MYLK: variants seen among roughly 807,000 people sequenced by gnomAD.
The protein encoded by MYLK is myosin light chain kinase.
Under a neutral mutation model 203.4 loss-of-function variants are expected in MYLK, and 106 were observed. That is an observed-to-expected ratio of 0.52 (90% CI 0.45 to 0.61). The LOEUF (loss-of-function observed/expected upper bound fraction) is 0.61, where lower values mean the gene tolerates loss of function less well. Ranked by LOEUF, MYLK falls within the 20% of genes least tolerant of loss-of-function variation. MYLK has a pLI of 0.00. For missense variants in MYLK, 2,072 were observed against 2,442.3 expected (o/e 0.85, Z 3.20); for synonymous variants, 867 against 959.5 (o/e 0.90, Z 1.78).
At chr3:123,796,203 T>C (rs1259638402) in intron 3 of MYLK, among the ~76,000 whole-genome samples, 2 of 152,146 alleles carry the variant, frequency 1.3e-5, no homozygotes. Flanking sequence ...AAATAATAAA[T>C]AGCTCATTTG....
At chr3:123,787,326 G>C (rs1430480413) in intron 4 of MYLK, among the ~76,000 whole-genome samples, 1 of 152,184 alleles carries the variant, frequency 6.6e-6, no homozygotes, top group Non-Finnish European at 1.5e-5. Context: ...AGGTGCACAG[G>C]GGTGTGGCTG....
intron 4 of MYLK, among the ~76,000 whole-genome samples, chr3:123,789,892 C>G (rs1057188935): frequency 2.6e-5 from 4 of 152,176 alleles, no homozygotes; most frequent in Non-Finnish European, 5.9e-5. Flanking sequence ...ATAAGGAACC[C>G]CCATCCCTGT....
At chr3:123,859,336 T>C (rs1389313681) in intron 2 of MYLK, among the ~76,000 whole-genome samples, 1 of 152,272 alleles carries the variant, frequency 6.6e-6, no homozygotes, top group Non-Finnish European at 1.5e-5. Context: ...TTTAACATTA[T>C]ATGTTTTAAG....
chr3:123,759,772 T>C (rs1168791393), intron 4 of MYLK, among the ~76,000 whole-genome samples: 2 of 152,230 alleles, frequency 1.3e-5, no homozygotes, highest in East Asian at 1.9e-4. Flanking sequence ...AGACTTAGCC[T>C]ATCTGCAGCC....
chr3:123,812,157 T>C (rs1411487388), intron 3 of MYLK, among the ~76,000 whole-genome samples: 2 of 152,170 alleles, frequency 1.3e-5, no homozygotes, highest in Non-Finnish European at 2.9e-5. Flanking sequence ...CCCAGTTCTG[T>C]TCCCCCTCAT....
chr3:123,653,477 G>C (rs2059286644), intron 24 of MYLK, among the ~76,000 whole-genome samples: 2 of 152,180 alleles, frequency 1.3e-5, no homozygotes, highest in South Asian at 4.1e-4. Context: ...CTGGGGAGTA[G>C]CTTCCTGTCT....
In MYLK at chr3:123,701,502, C is replaced by A. The variant is rs758697820; in HGVS notation, c.2398G>T (p.Val800Phe). 3.1e-6 allele frequency: 5 copies of A among 1,613,790 alleles called. No individual in the cohort carries two copies. The highest frequency in any genetic ancestry group is 4.2e-6 in the Non-Finnish European group (5 of 1,180,002). The change falls in exon 17 of 34, where the codon GTT becomes TTT. Residue 800 changes from valine to phenylalanine, a missense_variant. Around this residue, in one of 3 missense-constraint regions of MYLK, gnomAD observed 865 missense variants for 1,016.0 expected, o/e 0.85. Transcript: ENST00000360304. ...GQYEILLKNR[V>F]GECSCQVSLM... is the part of the protein sequence containing the mutation. ...GACACCTGGCAACTGCATTCGCCAA[C>A]CCGGTTCCTGAAGAATTCCAAAGAT...
chr3:123,737,401 A>G lies in MYLK; in HGVS notation c.731T>C (p.Met244Thr). The G allele has an allele frequency of 6.2e-7, 1 of 1,614,158 alleles. No individual in the cohort carries two copies. The highest frequency in any genetic ancestry group is 8.5e-7 in the Non-Finnish European group (1 of 1,180,016). Residue 244 changes from methionine to threonine, a missense_variant, in exon 8 of 34, where the codon ATG becomes ACG. Physicochemically the swap from Met to Thr is moderately conservative, Grantham distance 81. Around this residue, in one of 3 missense-constraint regions of MYLK, gnomAD observed 683 missense variants for 643.8 expected, o/e 1.06. Transcript: ENST00000360304. ...LVVNGSGKAS[M>T]SAELSIQGLD... The stretch of plus-strand genomic sequence containing the variant: ...ACCTTGGATGGAAAGTTCAGCTGAC[A>G]TCGAGGCCTTCCCCGACCCGTTCAC...
chr3:123,677,918 T>TATATATATATATAC (rs1273803739), intron 20 of MYLK, among the ~76,000 whole-genome samples: 238 of 78,658 alleles, frequency 3.0e-3, no homozygotes, highest in East Asian at 0.012. Flanking sequence ...TATATATATA[T>TATATATATATATAC]ACACACACAC....
At chr3:123,733,549 T>G in intron 10 of MYLK, 138 bp downstream of exon 10, 1 of 1,029,358 alleles carries the variant, frequency 9.7e-7, no homozygotes, top group Non-Finnish European at 1.5e-6. Flanking sequence ...AAGGCCCTTG[T>G]AAGGTGGTTT....
chr3:123,713,531 G>A (rs1311953809), intron 13 of MYLK, among the ~76,000 whole-genome samples: 1 of 151,610 alleles, frequency 6.6e-6, no homozygotes, highest in Non-Finnish European at 1.5e-5. Flanking sequence ...TGACAACTGA[G>A]AAAAACTAAA....
At chr3:123,672,907 C>A (rs573000013) in intron 20 of MYLK, among the ~76,000 whole-genome samples, 1 of 152,142 alleles carries the variant, frequency 6.6e-6, no homozygotes, top group Non-Finnish European at 1.5e-5. Flanking sequence ...TCAGAGGGAG[C>A]ATTTCACTTG....
At chr3:123,792,599 G>A (rs949859667) in intron 4 of MYLK, among the ~76,000 whole-genome samples, 1 of 152,170 alleles carries the variant, frequency 6.6e-6, no homozygotes, top group Non-Finnish European at 1.5e-5. Context: ...GTTCATCCGT[G>A]TTATAGCATG....
At chr3:123,618,417 T>C in intron 33 of MYLK, 1 of 557,364 alleles carries the variant, frequency 1.8e-6, no homozygotes, top group Non-Finnish European at 3.2e-6. Flanking sequence ...ATTTCAAATG[T>C]GCCCCCTGGG....
At chr3:123,620,604 A>G in intron 31 of MYLK, 4 of 1,255,246 alleles carry the variant, frequency 3.2e-6, no homozygotes, top group Non-Finnish European at 4.0e-6. Flanking sequence ...ACATGAGACA[A>G]AAACCCTTTT....
chr3:123,858,184 T>C (rs187786023), intron 2 of MYLK, among the ~76,000 whole-genome samples: 3 of 152,308 alleles, frequency 2.0e-5, no homozygotes, highest in Non-Finnish European at 4.4e-5. Flanking sequence ...TCCTGTGGTA[T>C]TGTCCTTGGA....
intron 19 of MYLK, among the ~76,000 whole-genome samples, chr3:123,689,254 G>A (rs928209128): frequency 5.3e-5 from 8 of 152,056 alleles, no homozygotes; most frequent in African/African-American, 1.9e-4. Context: ...GGTGTTTTTT[G>A]AGTCCTCTCA....
At chr3:123,862,603 CT>C (rs1375045817) in intron 2 of MYLK, among the ~76,000 whole-genome samples, 1 of 152,180 alleles carries the variant, frequency 6.6e-6, no homozygotes, top group African/African-American at 2.4e-5. Context: ...TTTATCTTCT[CT>C]GGCTTTATGA....
chr3:123,873,240 T>C (rs1344390359), intron 2 of MYLK, among the ~76,000 whole-genome samples: 1 of 152,144 alleles, frequency 6.6e-6, no homozygotes, highest in Non-Finnish European at 1.5e-5. Flanking sequence ...AACAAATCAT[T>C]ATTCATTCAC....
Sources: gnomAD v4.1 joint callset for allele counts (sites outside exome capture counted in the v4.1 genomes callset) on GRCh38, gnomAD v4.1.1 for gene constraint, gnomAD v4.1.1 regional missense constraint, MANE v1.5 for transcripts, NCBI Gene and HGNC (gene_info 2026-07-23, HGNC 2026-07-21) for gene names.